The following BPTF variants were observed in gnomAD, a reference collection of about 807,000 sequenced individuals.
BPTF encodes the protein bromodomain PHD finger transcription factor.
BPTF carries 18 observed loss-of-function variants against 292.5 expected under a neutral mutation model. That is an observed-to-expected ratio of 0.06 (90% CI 0.04 to 0.09). BPTF has a LOEUF of 0.09. BPTF is among the 10% of genes least tolerant of loss of function. The probability of loss-of-function intolerance (pLI) is 1.00; values close to 1 mark genes in which losing one functional copy is unlikely to be tolerated. For synonymous variants in BPTF, 1,225 were observed against 1,251.9 expected (o/e 0.98, Z 0.45); for missense variants, 2,726 against 3,498.7 (o/e 0.78, Z 5.57).
At chr17:67,952,715 A>G (rs1555679014) in intron 23 of BPTF, among the ~76,000 whole-genome samples, 1 of 152,162 alleles carries the variant, frequency 6.6e-6, no homozygotes, top group Non-Finnish European at 1.5e-5. Context: ...ATTATTAACG[A>G]AAGTCCATAG....
chr17:67,905,978 A>G (rs1043543770), intron 9 of BPTF, among the ~76,000 whole-genome samples: 34 of 152,186 alleles, frequency 2.2e-4, no homozygotes, highest in Non-Finnish European at 4.6e-4. Context: ...GCAGCACACC[A>G]ACATGGCACA....
intron 1 of BPTF, among the ~76,000 whole-genome samples, chr17:67,842,817 C>CAAAAAAAAAAAAAAA (rs60085248): frequency 4.2e-5 from 2 of 47,806 alleles, no homozygotes; most frequent in East Asian, 7.5e-4. Context: ...CAATTAAGGC[C>CAAAAAAAAAAAAAAA]AAAAAAAAAA....
chr17:67,844,062 G>GC (rs141956418), intron 1 of BPTF, among the ~76,000 whole-genome samples: 11,908 of 139,170 alleles, frequency 0.086, 2,187 homozygotes, highest in African/African-American at 0.33. Flanking sequence ...ACCGTGCCCG[G>GC]CCCCCGCCTT....
intron 4 of BPTF, among the ~76,000 whole-genome samples, chr17:67,881,994 C>G (rs2060458688): frequency 6.6e-6 from 1 of 150,792 alleles, no homozygotes; most frequent in African/African-American, 2.4e-5. Flanking sequence ...ACAACCACAC[C>G]CAGCTAATTT....
intron 4 of BPTF, among the ~76,000 whole-genome samples, chr17:67,876,108 ATTAATT>A (rs2060034341): frequency 6.6e-6 from 1 of 151,918 alleles, no homozygotes; most frequent in South Asian, 2.1e-4. Flanking sequence ...ATACTAACAA[ATTAATT>A]TTATGTTTGC....
intron 1 of BPTF, among the ~76,000 whole-genome samples, chr17:67,847,733 A>G (rs2058132679): frequency 6.6e-6 from 1 of 152,034 alleles, no homozygotes; most frequent in African/African-American, 2.4e-5. Context: ...GCTGATTTTT[A>G]TATTATTACT....
At position 67,865,908 on chromosome 17, in the gene BPTF, A is replaced by G. The variant is rs2059367042; in HGVS notation, c.1437-556A>G. On this transcript the variant is annotated intron_variant, in intron 2 of 27. Transcript: ENST00000306378. ...ATTATTTGAGATAACTCCTTCAAAA[A>G]CCAGAACTTAGCAAAGCATTTACAC... Among the ~76,000 whole-genome samples, 3 of 152,174 alleles carry G rather than the reference A, an allele frequency of 2.0e-5. 1 individual carries two copies. Among genetic ancestry groups the G allele is most frequent in the African/African-American group, 7.2e-5 (3 of 41,444 alleles).
At chr17:67,961,276 T>C (rs1555683864) in intron 24 of BPTF, among the ~76,000 whole-genome samples, 1 of 152,188 alleles carries the variant, frequency 6.6e-6, no homozygotes, top group Non-Finnish European at 1.5e-5. Context: ...TTTTGTGTTA[T>C]TTTATATTTT....
chr17:67,975,087 CA>C (rs1555693129), intron 26 of BPTF: 3 of 152,160 alleles, frequency 2.0e-5, no homozygotes, highest in Non-Finnish European at 4.4e-5. Context: ...CCGGAGATTC[CA>C]ACCGTGTTAG....
chr17:67,937,401 A>G (rs2065001917), intron 18 of BPTF, among the ~76,000 whole-genome samples: 1 of 151,796 alleles, frequency 6.6e-6, no homozygotes, highest in Non-Finnish European at 1.5e-5. Context: ...AAAGAAAGAA[A>G]AGTACTTAGA....
chr17:67,871,032 A>G (rs2059698911), intron 3 of BPTF, among the ~76,000 whole-genome samples: 1 of 151,758 alleles, frequency 6.6e-6, no homozygotes, highest in Admixed American at 6.6e-5. Context: ...CGGCCTCCCA[A>G]AGTGCTGGGA....
intron 3 of BPTF, among the ~76,000 whole-genome samples, chr17:67,870,493 ACAC>A (rs1336330647): frequency 6.6e-6 from 1 of 152,036 alleles, no homozygotes; most frequent in Non-Finnish European, 1.5e-5. Context: ...CCCGATTAAA[ACAC>A]CAGTTCACCA....
Position 67,931,085 on chromosome 17 carries a change from T to C in BPTF, c.6151-826T>C, listed in dbSNP as rs529657946. On this transcript the variant is annotated intron_variant, in intron 17 of 27. Transcript: ENST00000306378. ...ATCGAAACCATCCTGGTCAATATGGTGAAACCCTGTCTCTGCTAAAAATAC... is the reference window on the plus strand; with the variant it reads ...ATCGAAACCATCCTGGTCAATATGGCGAAACCCTGTCTCTGCTAAAAATAC... Among the ~76,000 whole-genome samples, 5 of 152,088 alleles carry C rather than the reference T, an allele frequency of 3.3e-5. No homozygotes were observed. In the East Asian group the frequency reaches 9.7e-4, roughly 29 times the overall value.
intron 11 of BPTF, among the ~76,000 whole-genome samples, chr17:67,914,624 G>T (rs2062859597): frequency 6.6e-6 from 1 of 152,172 alleles, no homozygotes; most frequent in African/African-American, 2.4e-5. Flanking sequence ...AAAGTGACCT[G>T]GCAGTTGTGG....
At chr17:67,874,760 A>G (rs2059951562) in intron 3 of BPTF, 57 bp from the exon 4 acceptor site, 2 of 1,137,254 alleles carry the variant, frequency 1.8e-6, no homozygotes, top group Admixed American at 4.3e-5. Flanking sequence ...CATTTGTGGT[A>G]CTGTTCTATT....
chr17:67,964,815 C>G (rs148490525), intron 25 of BPTF, among the ~76,000 whole-genome samples: 30 of 149,128 alleles, frequency 2.0e-4, no homozygotes, highest in Non-Finnish European at 3.1e-4. Flanking sequence ...CTGGCTAACA[C>G]GGTGAAACCC....
chr17:67,903,882 G>A lies in BPTF; in HGVS notation c.2637G>A (p.Ala879=), dbSNP rs546466065. 2.5e-6 allele frequency: 4 copies of A among 1,592,824 alleles called. No individual in the cohort carries two copies. Among genetic ancestry groups the A allele is most frequent in the Non-Finnish European group, 2.6e-6 (3 of 1,174,278 alleles). ...KQEEEETMQQ[A]TWVKYTFPVK... ...AAGAAGAAGAAACGATGCAGCAAGC[G>A]ACATGGGTAAAATACACATTTCCAG... The change falls in exon 8 of 28, where the codon GCG becomes GCA. Residue 879 remains alanine (A), a synonymous_variant. Coordinates refer to ENST00000306378, the MANE Select transcript of BPTF (RefSeq NM_182641.4).
chr17:67,892,334 A>T (rs191424837), intron 5 of BPTF, among the ~76,000 whole-genome samples: 6 of 152,368 alleles, frequency 3.9e-5, no homozygotes, highest in South Asian at 4.1e-4. Context: ...TTCTTTACAC[A>T]TATGAGTAGG....
At chr17:67,976,543 A>G (rs1419389668) in intron 27 of BPTF, among the ~76,000 whole-genome samples, 1 of 151,794 alleles carries the variant, frequency 6.6e-6, no homozygotes, top group East Asian at 1.9e-4. Context: ...AAAATTAACC[A>G]GGCATAGTGG....
Sources: allele counts gnomAD v4.1 joint callset (sites outside exome capture counted in the v4.1 genomes callset), GRCh38; gene constraint gnomAD v4.1.1; transcripts MANE v1.5; gene names NCBI Gene and HGNC (gene_info 2026-07-23, HGNC 2026-07-21).